Variants in ARMC3 observed in about 807,000 individuals in gnomAD.
ARMC3 encodes armadillo repeat-containing protein 3.
Under a neutral mutation model 90.3 loss-of-function variants are expected in ARMC3, and 74 were observed. The ratio of observed to expected loss-of-function variants is 0.82; its 90% CI spans 0.68 to 0.99. ARMC3 has a LOEUF of 0.99. Among genes scored for constraint, ARMC3 ranks in the 50% least tolerant of loss-of-function variants. The pLI is 0.00. For missense variants in ARMC3, 958 were observed against 1,042.8 expected, an observed-to-expected ratio of 0.92 and a Z score of 1.12; for synonymous variants, 334 against 361.8, an observed-to-expected ratio of 0.92 and a Z score of 0.87.
intron 13 of ARMC3, among the ~76,000 whole-genome samples, chr10:23,003,836 C>T (rs1837444047): frequency 9.5e-6 from 1 of 105,076 alleles, no homozygotes; most frequent in African/African-American, 2.8e-5. Flanking sequence ...ATAGCAAGAC[C>T]CTGTCAAAAA....
intron 1 of ARMC3, among the ~76,000 whole-genome samples, chr10:22,930,851 A>G (rs1479017700): frequency 6.6e-6 from 1 of 152,240 alleles, no homozygotes; most frequent in Non-Finnish European, 1.5e-5. Flanking sequence ...CCTGATGTCA[A>G]ACATAATTCC....
chr10:22,969,673 C>T (rs752743407), intron 8 of ARMC3, among the ~76,000 whole-genome samples: 13 of 152,204 alleles, frequency 8.5e-5, no homozygotes, highest in Non-Finnish European at 1.9e-4. Context: ...GGAACTTAGA[C>T]ATTATTCTAG....
chr10:22,959,918 C>A (rs976070158), intron 6 of ARMC3: 3 of 458,146 alleles, frequency 6.5e-6, no homozygotes, highest in Admixed American at 2.5e-5. Context: ...GTGGTCTAAG[C>A]ACATTGGATG....
Position 23,037,721 on chromosome 10 carries a change from G to C in ARMC3, c.*242G>C. On this transcript the variant is annotated 3_prime_UTR_variant, in exon 19 of 19. Transcript: ENST00000298032. ...CGCTCACTGACCCTCACATAAAGCTGATTGTTGTCGAAATTCATCCAGCCC... is the reference window on the plus strand; with the variant it reads ...CGCTCACTGACCCTCACATAAAGCTCATTGTTGTCGAAATTCATCCAGCCC... 1 of 405,380 alleles carries C rather than the reference G, an allele frequency of 2.5e-6. No individual in the cohort carries two copies. The highest frequency in any genetic ancestry group is 4.4e-6 in the Non-Finnish European group (1 of 225,716). The allele number at this position is 405,380 out of a possible 1,614,324, so 25.1% of individuals were successfully genotyped here.
At chr10:23,016,064 G>A (rs1404263427) in intron 16 of ARMC3, among the ~76,000 whole-genome samples, 4 of 152,010 alleles carry the variant, frequency 2.6e-5, no homozygotes, top group East Asian at 1.9e-4. Flanking sequence ...TTTGAACAAC[G>A]CCTTGTTCCC....
chr10:23,001,861 A>C (rs1837307040), intron 11 of ARMC3, 58 bp from the exon 12 acceptor site: 4 of 1,538,926 alleles, frequency 2.6e-6, no homozygotes, highest in Non-Finnish European at 2.6e-6. Flanking sequence ...TTTTTTTAAA[A>C]GCACAAATAG....
At chr10:22,981,838 C>T (rs1836205450) in intron 10 of ARMC3, 138 bp downstream of exon 10, 3 of 721,108 alleles carry the variant, frequency 4.2e-6, no homozygotes, top group African/African-American at 3.5e-5. Context: ...TCTTCAGAAT[C>T]CCTTATGAAA....
At chr10:22,995,025 A>G (rs1438546573) in intron 10 of ARMC3, among the ~76,000 whole-genome samples, 1 of 152,218 alleles carries the variant, frequency 6.6e-6, no homozygotes, top group Non-Finnish European at 1.5e-5. Flanking sequence ...AATTATTGTG[A>G]TGACATATGG....
Position 23,030,672 on chromosome 10 carries a change from G to A in ARMC3, c.2122G>A (p.Glu708Lys). The A allele has an allele frequency of 6.2e-7, 1 of 1,613,894 alleles. No homozygotes were observed. The highest frequency in any genetic ancestry group is 8.5e-7 in the Non-Finnish European group (1 of 1,179,878). ...TATGGTGGTACCAAAATTTGTTGGT[G>A]AAGGAAGCTCTGACAAAGAATGGTG... ...EVMVVPKFVG[E>K]GSSDKEWCPP... The change falls in exon 17 of 19, where the codon GAA (glutamate) becomes AAA (lysine). Residue 708 changes from glutamate to lysine, a missense_variant. Coordinates refer to ENST00000298032, the MANE Select transcript of ARMC3 (RefSeq NM_173081.5).
chr10:22,974,799 T>C (rs1835844628), intron 8 of ARMC3, among the ~76,000 whole-genome samples: 1 of 152,050 alleles, frequency 6.6e-6, no homozygotes, highest in Non-Finnish European at 1.5e-5. Flanking sequence ...CGTGCCATCA[T>C]GCTCATCTAA....
intron 3 of ARMC3, among the ~76,000 whole-genome samples, chr10:22,954,891 G>A (rs951216400): frequency 1.3e-5 from 2 of 152,052 alleles, no homozygotes; most frequent in African/African-American, 4.8e-5. Context: ...GAAGTCCCAC[G>A]ACAATACCAT....
At chr10:22,998,009 TG>T in intron 10 of ARMC3, 138 bp from the exon 11 acceptor site, 1 of 1,016,888 alleles carries the variant, frequency 9.8e-7, no homozygotes, top group Non-Finnish European at 1.4e-6. Flanking sequence ...CACTCAATTC[TG>T]GGTTCATTGC....
At chr10:23,004,934 G>A (rs548479640) in intron 13 of ARMC3, among the ~76,000 whole-genome samples, 2 of 152,236 alleles carry the variant, frequency 1.3e-5, no homozygotes, top group East Asian at 1.9e-4. Flanking sequence ...ACCAAGAGGG[G>A]GGCCGGGCGT....
At chr10:22,953,477 A>G (rs1458732051) in intron 3 of ARMC3, among the ~76,000 whole-genome samples, 1 of 152,202 alleles carries the variant, frequency 6.6e-6, no homozygotes, top group African/African-American at 2.4e-5. Flanking sequence ...AAAATCTGAC[A>G]TCCACTCCTG....
At chr10:22,968,621 C>A (rs977504365) in intron 8 of ARMC3, 132 bp downstream of exon 8, 2 of 775,678 alleles carry the variant, frequency 2.6e-6, no homozygotes, top group African/African-American at 1.8e-5. Flanking sequence ...CCCACCTCAG[C>A]CTTCCTAGTA....
At chr10:22,968,577 G>A in intron 8 of ARMC3, 88 bp downstream of exon 8, 1 of 1,228,036 alleles carries the variant, frequency 8.1e-7, no homozygotes, top group African/African-American at 1.6e-5. Flanking sequence ...ACAGCTCACT[G>A]CAGCCTCAAC....
rs141750826 is a variant in ARMC3 at position 23,037,445 on chromosome 10, G to A, written c.2585G>A (p.Arg862Lys). 26 of 1,613,928 alleles carry A rather than the reference G, an allele frequency of 1.6e-5. No homozygotes were observed. In the Admixed American group the frequency reaches 2.7e-4, roughly 17 times the overall value. The change falls in exon 19 of 19, where the codon AGA (arginine) becomes AAA (lysine). Residue 862 changes from arginine (R) to lysine (K), a missense_variant. By Grantham distance (26) the Arg-to-Lys change is conservative. Coordinates refer to ENST00000298032, the MANE Select transcript of ARMC3 (RefSeq NM_173081.5). ...CATCCAGGTGGACTGATGAAGTTGAGAAGTCGAGAGGCTGATCTTTACAGA... is the reference window on the plus strand; with the variant it reads ...CATCCAGGTGGACTGATGAAGTTGAAAAGTCGAGAGGCTGATCTTTACAGA... ...MFHPGGLMKL[R>K]SREADLYRFI
intron 1 of ARMC3, among the ~76,000 whole-genome samples, chr10:22,930,449 T>C (rs1294133167): frequency 6.6e-6 from 1 of 152,176 alleles, no homozygotes; most frequent in African/African-American, 2.4e-5. Flanking sequence ...ATTTCAAAAG[T>C]TTTTATGATG....
intron 15 of ARMC3, 85 bp downstream of exon 15, chr10:23,008,459 C>A: frequency 1.3e-6 from 1 of 776,176 alleles, no homozygotes; most frequent in Non-Finnish European, 2.1e-6. Context: ...TAGATTGGGG[C>A]AACTTGATTT....
Sources: allele counts gnomAD v4.1 joint callset (sites outside exome capture counted in the v4.1 genomes callset), GRCh38; gene constraint gnomAD v4.1.1; transcripts MANE v1.5; gene names NCBI Gene and HGNC (gene_info 2026-07-23, HGNC 2026-07-21).